The following ZNF280C variants were observed in gnomAD, a reference collection of about 807,000 sequenced individuals.
The protein encoded by ZNF280C is suppressor of hairy wing homolog 3.
A neutral mutation model predicts 53.6 loss-of-function variants in ZNF280C; 14 were observed. The observed-to-expected ratio is 0.26, with a 90% CI of 0.17 to 0.41. ZNF280C has a LOEUF of 0.41. Ranked by LOEUF, ZNF280C falls within the 10% of genes least tolerant of loss-of-function variation. The pLI is 1.00. For missense variants in ZNF280C, 416 were observed against 547.1 expected (o/e 0.76, Z 2.39); for synonymous variants, 203 against 181.1 (o/e 1.12, Z -0.97).
intron 1 of ZNF280C, among the ~76,000 whole-genome samples, chrX:130,261,907 A>T (rs1303640265): frequency 9.0e-6 from 1 of 111,189 alleles, no homozygotes; most frequent in Non-Finnish European, 1.9e-5. Context: ...CGCATACCAC[A>T]GCCTTGAACT....
chrX:130,261,257 T>C (rs2032628199), intron 1 of ZNF280C, among the ~76,000 whole-genome samples: 1 of 112,254 alleles, frequency 8.9e-6, no homozygotes, highest in Non-Finnish European at 1.9e-5. Context: ...AAAATGTGAA[T>C]TGCTTTCTAA....
chrX:130,214,006 C>T lies in ZNF280C; in HGVS notation c.1979+1187G>A, dbSNP rs765071546. 4.5e-5 allele frequency among the ~76,000 whole-genome samples: 5 copies of T among 111,755 alleles called. No homozygotes were observed. In the East Asian group the frequency reaches 1.1e-3, roughly 25 times the overall value. ...ATAGAAATGAGGTCTTGCTATGTTG[C>T]CCAGGCTGGTCTTGAACTCCTAGGC... On this transcript the variant is annotated intron_variant, in intron 15 of 18. Coordinates refer to ENST00000370978, the MANE Select transcript of ZNF280C (RefSeq NM_017666.5).
chrX:130,210,559 G>C (rs1232768836), intron 15 of ZNF280C, among the ~76,000 whole-genome samples: 1 of 111,939 alleles, frequency 8.9e-6, no homozygotes, highest in East Asian at 2.8e-4. Flanking sequence ...AATGATCCTG[G>C]AAGTAAACAC....
chrX:130,255,486 GAAAA>G (rs767206704), intron 2 of ZNF280C, among the ~76,000 whole-genome samples: 2 of 70,107 alleles, frequency 2.9e-5, no homozygotes, highest in African/African-American at 1.1e-4. Context: ...AAAAGCTCCA[GAAAA>G]AAAAAAAAGA....
intron 1 of ZNF280C, among the ~76,000 whole-genome samples, chrX:130,261,368 G>A (rs1055758569): frequency 8.9e-6 from 1 of 112,013 alleles, no homozygotes; most frequent in Non-Finnish European, 1.9e-5. Context: ...AAACAAAAAA[G>A]GTAAAAATCA....
intron 3 of ZNF280C, among the ~76,000 whole-genome samples, chrX:130,245,831 A>T (rs891981665): frequency 1.8e-4 from 19 of 107,925 alleles, no homozygotes; most frequent in African/African-American, 6.5e-4. Flanking sequence ...TGTTGCCTAG[A>T]CTGGAGTGCA....
At chrX:130,234,977 G>A (rs1260240967) in intron 8 of ZNF280C, among the ~76,000 whole-genome samples, 5 of 111,154 alleles carry the variant, frequency 4.5e-5, no homozygotes, top group Non-Finnish European at 9.4e-5. Context: ...AAATTAAAAT[G>A]TAAGACTAAG....
At chrX:130,225,810 C>T (rs1027336147) in intron 12 of ZNF280C, among the ~76,000 whole-genome samples, 1 of 111,855 alleles carries the variant, frequency 8.9e-6, no homozygotes, top group African/African-American at 3.2e-5. Flanking sequence ...CATTCAAGGG[C>T]GACGTTAGTG....
intron 6 of ZNF280C, among the ~76,000 whole-genome samples, chrX:130,237,937 T>C (rs1402549212): frequency 4.5e-5 from 5 of 111,625 alleles, no homozygotes; most frequent in Non-Finnish European, 9.5e-5. Context: ...TTTTAATATA[T>C]GCTTATTTTA....
intron 1 of ZNF280C, among the ~76,000 whole-genome samples, chrX:130,260,969 ATTC>A (rs1392259201): frequency 1.8e-5 from 2 of 112,390 alleles, no homozygotes; most frequent in African/African-American, 3.2e-5. Flanking sequence ...ACTGATTCCT[ATTC>A]TTCACATTTC....
intron 1 of ZNF280C, among the ~76,000 whole-genome samples, chrX:130,267,913 CCAAA>C (rs1402427828): frequency 8.9e-6 from 1 of 111,984 alleles, no homozygotes; most frequent in Non-Finnish European, 1.9e-5. Context: ...ACAAATCTTT[CCAAA>C]CAAAGAGAAT....
chrX:130,263,582 G>A (rs143707875), intron 1 of ZNF280C, among the ~76,000 whole-genome samples: 2,061 of 111,615 alleles, frequency 0.018, 50 homozygotes, highest in African/African-American at 0.063. Flanking sequence ...GACTGTTAAT[G>A]GGTACAGGGT....
intron 3 of ZNF280C, among the ~76,000 whole-genome samples, chrX:130,246,616 A>T (rs1216104760): frequency 8.9e-6 from 1 of 112,103 alleles, no homozygotes; most frequent in Non-Finnish European, 1.9e-5. Flanking sequence ...AGGTCATCTT[A>T]ACCCTCAATT....
intron 1 of ZNF280C, among the ~76,000 whole-genome samples, chrX:130,268,161 C>T (rs1367909802): frequency 1.8e-5 from 2 of 111,420 alleles, no homozygotes; most frequent in Non-Finnish European, 3.8e-5. Flanking sequence ...GGCTCTTATC[C>T]TCTAGACAAT....
chrX:130,243,464 C>G, intron 5 of ZNF280C, 99 bp downstream of exon 5: 1 of 964,466 alleles, frequency 1.0e-6, no homozygotes, highest in Non-Finnish European at 1.4e-6. Flanking sequence ...AGATTACAGG[C>G]GTGAGCCACT....
At position 130,268,820 on chromosome X, in the gene ZNF280C, G is replaced by A. The variant is rs1216207116; in HGVS notation, c.-75C>T. 8.9e-6 allele frequency: 1 copy of A among 112,378 alleles called. No homozygotes were observed. Among genetic ancestry groups the A allele is most frequent in the Non-Finnish European group, 1.9e-5 (1 of 53,260 alleles). The allele number at this position is 112,378 out of a possible 1,213,427, so 9.3% of individuals were successfully genotyped here. Reference sequence around the variant, plus strand: ...GGATAAGGAGGAGGAGAAAGAGGAGGAGGAAAGGGAGGAGCGCGAAAAACC... The same window carrying A: ...GGATAAGGAGGAGGAGAAAGAGGAGAAGGAAAGGGAGGAGCGCGAAAAACC... On this transcript the variant is annotated 5_prime_UTR_variant, in exon 1 of 19. Transcript: ENST00000370978.
At chrX:130,243,310 G>A (rs956732943) in intron 5 of ZNF280C, among the ~76,000 whole-genome samples, 4 of 111,338 alleles carry the variant, frequency 3.6e-5, no homozygotes, top group African/African-American at 1.3e-4. Flanking sequence ...AGCCTCCCGA[G>A]TAGCTGGGAC....
Position 130,246,962 on chromosome X carries a change from T to C in ZNF280C, c.75A>G (p.Glu25=), listed in dbSNP as rs1329788404. ...CTTTCTTCTGCCATGGCTCTAGCTC[T>C]TCTTCTTCACATTCCATAAAGAGTT... ...MAELFMECEE[E]ELEPWQKKVE... The change falls in exon 3 of 19, where the codon GAA becomes GAG. Residue 25 remains glutamate (E), a synonymous_variant. Coordinates refer to ENST00000370978, the MANE Select transcript of ZNF280C (RefSeq NM_017666.5). 3 of 1,209,256 alleles carry C rather than the reference T, an allele frequency of 2.5e-6. No individual in the cohort carries two copies. The African/African-American group carries it at 5.2e-5, about 21-fold the overall frequency.
chrX:130,229,155 A>G, intron 9 of ZNF280C, 21 bp from the exon 10 acceptor site: 1 of 1,175,921 alleles, frequency 8.5e-7, no homozygotes, highest in African/African-American at 1.8e-5. Flanking sequence ...TTTGCCAGTA[A>G]GAGCAAAAAT....
Sources: allele counts gnomAD v4.1 joint callset (sites outside exome capture counted in the v4.1 genomes callset), GRCh38; gene constraint gnomAD v4.1.1; transcripts MANE v1.5; gene names NCBI Gene and HGNC (gene_info 2026-07-23, HGNC 2026-07-21).